The following IL1RAPL1 variants were observed in gnomAD, a reference collection of about 807,000 sequenced individuals.
IL1RAPL1 encodes interleukin 1 receptor accessory protein like 1.
Under a neutral mutation model 48.4 loss-of-function variants are expected in IL1RAPL1, and 3 were observed. That is an observed-to-expected ratio of 0.06 (90% CI 0.03 to 0.16). The LOEUF is 0.16. Ranked by LOEUF, IL1RAPL1 falls within the 10% of genes least tolerant of loss-of-function variation. The pLI is 1.00. For missense variants in IL1RAPL1, 349 were observed against 530.6 expected (o/e 0.66, Z 3.36); for synonymous variants, 185 against 187.7 (o/e 0.99, Z 0.12).
Position 29,897,161 on chromosome X carries a change from A to G in IL1RAPL1, c.779-20303A>G, listed in dbSNP as rs149866853. Among the ~76,000 whole-genome samples, 503 of 112,592 alleles carry G rather than the reference A, an allele frequency of 4.5e-3. 2 individuals are homozygous for G. The highest frequency in any genetic ancestry group is 6.6e-3 in the Non-Finnish European group (351 of 53,311). ...TATGTAGAAATCTGAGGGTGGGACC[A>G]TGAAGATCAGCTTGTTTATCCTCTC... On this transcript the variant is annotated intron_variant, in intron 6 of 10. Coordinates refer to ENST00000378993, the MANE Select transcript of IL1RAPL1 (RefSeq NM_014271.4).
chrX:29,099,243 C>T (rs949965057), intron 2 of IL1RAPL1, among the ~76,000 whole-genome samples: 8 of 111,698 alleles, frequency 7.2e-5, no homozygotes, highest in Non-Finnish European at 1.1e-4. Flanking sequence ...GTCTTGCAAA[C>T]GTTACGATTT....
At chrX:29,258,045 C>G (rs1931785212) in intron 2 of IL1RAPL1, among the ~76,000 whole-genome samples, 1 of 111,157 alleles carries the variant, frequency 9.0e-6, no homozygotes, top group African/African-American at 3.3e-5. Flanking sequence ...TGGAATAGTT[C>G]TTGTGTCCTA....
chrX:29,627,206 G>C (rs1404736411), intron 5 of IL1RAPL1, among the ~76,000 whole-genome samples: 1 of 112,156 alleles, frequency 8.9e-6, no homozygotes, highest in Non-Finnish European at 1.9e-5. Flanking sequence ...TGTGGCAAAT[G>C]CTGTGAAGGA....
In IL1RAPL1 at chrX:29,032,136, T is replaced by C. The variant is rs984850627; in HGVS notation, c.82+242711T>C. ...ATATCATGTACTTTTAAAGGGATGG[T>C]TTTCACATCTGTGCAGGTTGTCTAC... On this transcript the variant is annotated intron_variant, in intron 2 of 10. Transcript: ENST00000378993. Among the ~76,000 whole-genome samples the C allele has an allele frequency of 3.6e-5, 4 of 111,860 alleles. No homozygotes were observed. In the Admixed American group the frequency reaches 3.8e-4, roughly 11 times the overall value.
At chrX:28,693,353 A>G (rs1393574223) in intron 1 of IL1RAPL1, among the ~76,000 whole-genome samples, 1 of 112,446 alleles carries the variant, frequency 8.9e-6, no homozygotes, top group African/African-American at 3.2e-5. Context: ...TGCCAAAGCT[A>G]TGTATTGCCA....
chrX:29,917,151 T>C (rs1932805706), intron 6 of IL1RAPL1, among the ~76,000 whole-genome samples: 1 of 112,051 alleles, frequency 8.9e-6, no homozygotes, highest in Non-Finnish European at 1.9e-5. Context: ...GTGGTATCCT[T>C]CGCAATCATT....
intron 2 of IL1RAPL1, among the ~76,000 whole-genome samples, chrX:29,111,322 T>C (rs771880933): frequency 2.7e-5 from 3 of 112,440 alleles, no homozygotes; most frequent in Middle Eastern, 4.6e-3. Context: ...AGTTTGGGTG[T>C]GTTTTTGAAC....
rs180737194 is a variant in IL1RAPL1 at position 28,831,866 on chromosome X, A to G, written c.82+42441A>G. Among the ~76,000 whole-genome samples the G allele has an allele frequency of 9.3e-3, 1,034 of 110,945 alleles. 11 individuals carry two copies. Among genetic ancestry groups the G allele is most frequent in the Non-Finnish European group, 0.013 (677 of 52,829 alleles). On this transcript the variant is annotated intron_variant, in intron 2 of 10. Coordinates refer to ENST00000378993, the MANE Select transcript of IL1RAPL1 (RefSeq NM_014271.4). ...TGATATAATATTTTGACAATTTTTGATTACTTTGTACTTAACTTTTTAAAA... is the reference window on the plus strand; with the variant it reads ...TGATATAATATTTTGACAATTTTTGGTTACTTTGTACTTAACTTTTTAAAA...
intron 2 of IL1RAPL1, among the ~76,000 whole-genome samples, chrX:28,945,903 A>ATGTG (rs202162763): frequency 0.046 from 4,533 of 97,562 alleles, 105 homozygotes; most frequent in Non-Finnish European, 0.06. Flanking sequence ...ATATATATAT[A>ATGTG]TGTGTGTGTG....
At chrX:29,027,947 T>C (rs2147406799) in intron 2 of IL1RAPL1, among the ~76,000 whole-genome samples, 1 of 110,319 alleles carries the variant, frequency 9.1e-6, no homozygotes, top group South Asian at 3.9e-4. Flanking sequence ...TGTGTGTGTG[T>C]GTATATTATA....
chrX:29,261,371 C>T (rs1457572105), intron 2 of IL1RAPL1, among the ~76,000 whole-genome samples: 1 of 111,213 alleles, frequency 9.0e-6, no homozygotes, highest in Non-Finnish European at 1.9e-5. Context: ...TGTTTTTAAT[C>T]TAAGTTTCCA....
intron 2 of IL1RAPL1, among the ~76,000 whole-genome samples, chrX:29,009,475 A>G (rs191203236): frequency 5.6e-4 from 63 of 112,505 alleles, no homozygotes; most frequent in African/African-American, 2.0e-3. Context: ...TTTCTTTTGC[A>G]TATGGTTGGC....
intron 5 of IL1RAPL1, among the ~76,000 whole-genome samples, chrX:29,554,830 G>A (rs1329759545): frequency 8.9e-6 from 1 of 111,856 alleles, no homozygotes; most frequent in Non-Finnish European, 1.9e-5. Flanking sequence ...GTGGTAACTG[G>A]GAGTGGGCCA....
At chrX:28,675,596 A>G (rs1569149902) in intron 1 of IL1RAPL1, among the ~76,000 whole-genome samples, 2 of 112,216 alleles carry the variant, frequency 1.8e-5, no homozygotes, top group African/African-American at 6.5e-5. Context: ...TATTAAATAT[A>G]GCATACATTA....
intron 2 of IL1RAPL1, among the ~76,000 whole-genome samples, chrX:28,966,788 T>C (rs1373387927): frequency 8.9e-6 from 1 of 112,088 alleles, no homozygotes; most frequent in Admixed American, 9.5e-5. Context: ...ACAGCTGATT[T>C]GAGGTCTACT....
intron 6 of IL1RAPL1, among the ~76,000 whole-genome samples, chrX:29,810,945 T>C (rs1930368559): frequency 8.9e-6 from 1 of 112,212 alleles, no homozygotes; most frequent in African/African-American, 3.2e-5. Context: ...TTTTAAAACA[T>C]GCTTACTTTA....
chrX:29,008,168 ATT>A (rs1203523772), intron 2 of IL1RAPL1, among the ~76,000 whole-genome samples: 4 of 98,119 alleles, frequency 4.1e-5, no homozygotes, highest in Non-Finnish European at 2.1e-5. Context: ...GGCCCGGATA[ATT>A]TTTTTTTTTT....
intron 6 of IL1RAPL1, among the ~76,000 whole-genome samples, chrX:29,827,101 A>G (rs977433900): frequency 8.9e-6 from 1 of 112,095 alleles, no homozygotes; most frequent in African/African-American, 3.2e-5. Context: ...CATGTCCTTA[A>G]TGACTACTGA....
intron 2 of IL1RAPL1, among the ~76,000 whole-genome samples, chrX:29,137,063 A>G (rs1929143177): frequency 9.0e-6 from 1 of 111,108 alleles, no homozygotes; most frequent in African/African-American, 3.3e-5. Flanking sequence ...ATGCACTCAC[A>G]TTGCCAACTA....
Sources: allele counts gnomAD v4.1 joint callset (sites outside exome capture counted in the v4.1 genomes callset), GRCh38; gene constraint gnomAD v4.1.1; transcripts MANE v1.5; gene names NCBI Gene and HGNC (gene_info 2026-07-23, HGNC 2026-07-21).